Variants in KIAA0825 observed in about 807,000 individuals in gnomAD.
The protein encoded by KIAA0825 is uncharacterized protein KIAA0825.
A neutral mutation model predicts 147.6 loss-of-function variants in KIAA0825; 119 were observed. The ratio of observed to expected loss-of-function variants is 0.81; its 90% CI spans 0.69 to 0.94. The LOEUF (loss-of-function observed/expected upper bound fraction) is 0.94. KIAA0825 is among the 40% of genes least tolerant of loss of function. The pLI, the probability that KIAA0825 is intolerant of heterozygous loss-of-function variation, is 0.00. For missense variants in KIAA0825, 1,381 were observed against 1,472.7 expected (o/e 0.94, Z 1.02); for synonymous variants, 470 against 518.1 (o/e 0.91, Z 1.26).
intron 1 of KIAA0825, among the ~76,000 whole-genome samples, chr5:94,604,732 G>A (rs988158742): frequency 2.6e-5 from 4 of 152,128 alleles, no homozygotes. Flanking sequence ...GAATCTCTGG[G>A]ACACAGTTAA....
intron 1 of KIAA0825, among the ~76,000 whole-genome samples, chr5:94,613,546 G>A (rs1789516066): frequency 6.6e-6 from 1 of 152,080 alleles, no homozygotes; most frequent in African/African-American, 2.4e-5. Flanking sequence ...CTTTAGTGTT[G>A]GCTTTTAGAA....
chr5:94,508,571 G>A (rs1766059429), intron 5 of KIAA0825, among the ~76,000 whole-genome samples: 1 of 152,156 alleles, frequency 6.6e-6, no homozygotes, highest in African/African-American at 2.4e-5. Flanking sequence ...CTTAACAGTT[G>A]TTATTGATTC....
At chr5:94,385,127 A>G (rs1429456587) in intron 19 of KIAA0825, among the ~76,000 whole-genome samples, 1 of 152,246 alleles carries the variant, frequency 6.6e-6, no homozygotes, top group Non-Finnish European at 1.5e-5. Flanking sequence ...TAACAGCTAT[A>G]ATAATTATTT....
At chr5:94,237,519 G>A (rs923383816) in intron 20 of KIAA0825, among the ~76,000 whole-genome samples, 2 of 152,108 alleles carry the variant, frequency 1.3e-5, no homozygotes, top group African/African-American at 4.8e-5. Context: ...CCCGTCAAAC[G>A]CCAAGATATT....
At chr5:94,345,942 G>C (rs753826928) in intron 20 of KIAA0825, among the ~76,000 whole-genome samples, 1 of 152,046 alleles carries the variant, frequency 6.6e-6, no homozygotes, top group African/African-American at 2.4e-5. Context: ...TGCATGCACC[G>C]GTAATTAGAA....
intron 5 of KIAA0825, among the ~76,000 whole-genome samples, chr5:94,516,090 GA>G (rs553138133): frequency 1.3e-3 from 196 of 152,052 alleles, no homozygotes; most frequent in Non-Finnish European, 1.8e-3. Flanking sequence ...ATATAAAGTA[GA>G]AAAAAAGTTA....
In KIAA0825 at chr5:94,152,858, ATATATATATAT is replaced by A. The variant is rs1766658132; in HGVS notation, c.*1138_*1148del. Reference sequence around the variant, plus strand: ...AAAAAAAAAAAAAAAAAAAAAAATTATATATATATATATATATATATATATATATATATATA... The same window carrying A: ...AAAAAAAAAAAAAAAAAAAAAAATTAATATATATATATATATATATATATA... On this transcript the variant is annotated 3_prime_UTR_variant, in exon 21 of 21. Coordinates refer to ENST00000682413, the MANE Select transcript of KIAA0825 (RefSeq NM_001145678.3). The A allele has an allele frequency of 3.5e-4, 1 of 2,880 alleles. No individual in the cohort carries two copies. The highest frequency in any genetic ancestry group is 7.0e-4 in the Non-Finnish European group (1 of 1,424). 0.2% of individuals were successfully genotyped at this position (2,880 alleles called of 1,614,324 possible). A position where few individuals can be genotyped will look rare whatever the true frequency, so the allele number is the denominator to read the frequency against.
chr5:94,349,990 G>C (rs1783460974), intron 20 of KIAA0825, among the ~76,000 whole-genome samples: 1 of 152,128 alleles, frequency 6.6e-6, no homozygotes, highest in Non-Finnish European at 1.5e-5. Context: ...GAAACAAAAA[G>C]CTGGTTCTTT....
At chr5:94,261,473 T>A (rs1374961195) in intron 20 of KIAA0825, among the ~76,000 whole-genome samples, 1 of 152,050 alleles carries the variant, frequency 6.6e-6, no homozygotes, top group Non-Finnish European at 1.5e-5. Context: ...TGAAAAAGAA[T>A]GAAAACACCC....
At chr5:94,289,263 T>C (rs961344699) in intron 20 of KIAA0825, among the ~76,000 whole-genome samples, 1 of 151,868 alleles carries the variant, frequency 6.6e-6, no homozygotes, top group Non-Finnish European at 1.5e-5. Context: ...TGGCCGGGAG[T>C]GGTGGCTCAT....
In KIAA0825 at chr5:94,520,490, C is replaced by T. The variant is rs1441848385; in HGVS notation, c.728G>A (p.Gly243Glu). 6.2e-7 allele frequency: 1 copy of T among 1,612,824 alleles called. No individual in the cohort carries two copies. The change falls in exon 5 of 21, where the codon GGA (glycine) becomes GAA (glutamate). Residue 243 changes from glycine to glutamate, a missense_variant. Transcript: ENST00000682413. ...TAACTTAAGCATTGTACTTTGATAT[C>T]CATGAGCTATTACATCTAAATTTGA... ...RDSNLDVIAH[G>E]YQSTMLKLYS...
At chr5:94,402,152 T>C (rs905758683) in intron 16 of KIAA0825, among the ~76,000 whole-genome samples, 6 of 152,184 alleles carry the variant, frequency 3.9e-5, no homozygotes, top group African/African-American at 4.8e-5. Context: ...TTATGAAAAA[T>C]GTTATTTAGT....
chr5:94,237,256 T>C (rs1775099421), intron 20 of KIAA0825, among the ~76,000 whole-genome samples: 1 of 152,188 alleles, frequency 6.6e-6, no homozygotes, highest in Non-Finnish European at 1.5e-5. Context: ...TCTTGCAGGA[T>C]TTTTGTGTTC....
chr5:94,326,615 T>C (rs1780718932), intron 20 of KIAA0825, among the ~76,000 whole-genome samples: 1 of 152,184 alleles, frequency 6.6e-6, no homozygotes, highest in Admixed American at 6.5e-5. Flanking sequence ...AAAAATCAGA[T>C]GTTTGAAGGA....
intron 20 of KIAA0825, among the ~76,000 whole-genome samples, chr5:94,183,395 T>C (rs1007730055): frequency 7.2e-5 from 11 of 152,164 alleles, no homozygotes; most frequent in African/African-American, 2.4e-4. Context: ...TATAAATCTT[T>C]TGTTCTGGTC....
intron 20 of KIAA0825, among the ~76,000 whole-genome samples, chr5:94,375,406 A>G (rs918092997): frequency 5.3e-5 from 8 of 151,674 alleles, no homozygotes; most frequent in Admixed American, 2.6e-4. Context: ...CTCTTCCTCA[A>G]TCTCTAGCCA....
At chr5:94,195,141 G>A (rs1375616385) in intron 20 of KIAA0825, among the ~76,000 whole-genome samples, 1 of 152,210 alleles carries the variant, frequency 6.6e-6, no homozygotes, top group African/African-American at 2.4e-5. Context: ...CGTGGTGACT[G>A]ACTGAATCCA....
intron 20 of KIAA0825, among the ~76,000 whole-genome samples, chr5:94,345,129 T>C (rs1782845972): frequency 6.6e-6 from 1 of 152,036 alleles, no homozygotes; most frequent in South Asian, 2.1e-4. Flanking sequence ...AGTAGTAATC[T>C]TATAGGAGAA....
intron 20 of KIAA0825, among the ~76,000 whole-genome samples, chr5:94,207,480 GT>G (rs1313503557): frequency 6.6e-6 from 1 of 152,134 alleles, no homozygotes. Context: ...CATCAAGAGT[GT>G]TTGTAATTGA....
Sources: gnomAD v4.1 joint callset for allele counts (sites outside exome capture counted in the v4.1 genomes callset) on GRCh38, gnomAD v4.1.1 for gene constraint, MANE v1.5 for transcripts, NCBI Gene and HGNC (gene_info 2026-07-23, HGNC 2026-07-21) for gene names.